The following FGD4 variants were observed in gnomAD, a reference collection of about 807,000 sequenced individuals.
FGD4 encodes the protein FYVE, RhoGEF and PH domain-containing protein 4.
A neutral mutation model predicts 102.0 loss-of-function variants in FGD4; 42 were observed. That is an observed-to-expected ratio of 0.41 (90% CI 0.32 to 0.53). FGD4 has a LOEUF of 0.53. Ranked by LOEUF, FGD4 falls within the 20% of genes least tolerant of loss-of-function variation. The probability of loss-of-function intolerance (pLI) is 0.21; values close to 1 mark genes in which losing one functional copy is unlikely to be tolerated. For missense variants in FGD4, 902 were observed against 1,078.2 expected, an observed-to-expected ratio of 0.84 and a Z score of 2.29; for synonymous variants, 380 against 375.7, an observed-to-expected ratio of 1.01 and a Z score of -0.13.
At chr12:32,585,897 G>A (rs930539689) in intron 4 of FGD4, among the ~76,000 whole-genome samples, 1 of 150,634 alleles carries the variant, frequency 6.6e-6, no homozygotes, top group African/African-American at 2.5e-5. Flanking sequence ...TGCCCCAGGA[G>A]TACTAGTTGA....
At chr12:32,573,253 A>G (rs1945831601) in intron 2 of FGD4, among the ~76,000 whole-genome samples, 1 of 151,906 alleles carries the variant, frequency 6.6e-6, no homozygotes, top group South Asian at 2.1e-4. Flanking sequence ...CCGCCACCAA[A>G]CCCGGCTAAT....
chr12:32,561,074 T>TG (rs1199049821), intron 1 of FGD4, among the ~76,000 whole-genome samples: 8 of 93,496 alleles, frequency 8.6e-5, no homozygotes, highest in Admixed American at 8.4e-4. Flanking sequence ...TGTTGGGTTT[T>TG]GTTTTTTTTT....
At chr12:32,412,899 ATT>A (rs869107334) in intron 1 of FGD4, among the ~76,000 whole-genome samples, 66 of 86,976 alleles carry the variant, frequency 7.6e-4, no homozygotes, top group Middle Eastern at 8.1e-3. Flanking sequence ...TTTTCTAGAA[ATT>A]TTTTTTTTTT....
Position 32,568,183 on chromosome 12 carries a change from G to A in FGD4, c.319+3894G>A, listed in dbSNP as rs191001830. Reference sequence around the variant, plus strand: ...TTTATTTTATTTTAAACCTGAAAAAGGAATGACCAGAATGGCAGCCCTTTG... The same window carrying A: ...TTTATTTTATTTTAAACCTGAAAAAAGAATGACCAGAATGGCAGCCCTTTG... On this transcript the variant is annotated intron_variant, in intron 2 of 16. Transcript: ENST00000534526. Among the ~76,000 whole-genome samples, 628 of 152,322 alleles carry A rather than the reference G, an allele frequency of 4.1e-3. 10 individuals carry two copies. Among genetic ancestry groups the A allele is most frequent in the East Asian group, 0.033 (169 of 5,190 alleles).
At chr12:32,591,836 G>A (rs1947501565) in intron 4 of FGD4, among the ~76,000 whole-genome samples, 1 of 152,186 alleles carries the variant, frequency 6.6e-6, no homozygotes. Context: ...AGAGAGAAAG[G>A]AGCAGATCTC....
chr12:32,519,537 T>A lies in FGD4; in HGVS notation c.167-44600T>A, dbSNP rs563972457. Among the ~76,000 whole-genome samples, 9 of 152,186 alleles carry A rather than the reference T, an allele frequency of 5.9e-5. No homozygotes were observed. The South Asian group carries it at 1.9e-3, about 32-fold the overall frequency. On this transcript the variant is annotated intron_variant, in intron 1 of 16. Coordinates refer to ENST00000534526, the MANE Select transcript of FGD4 (RefSeq NM_001370298.3). ...AGGTGCACTGGCTCACACATGTAAC[T>A]CCCAGCACTTTGGGAGGCTGAGTCA...
chr12:32,600,506 A>G (rs1217006430), intron 5 of FGD4: 1 of 1,251,698 alleles, frequency 8.0e-7, no homozygotes, highest in Non-Finnish European at 1.0e-6. Flanking sequence ...ATGGCAATTA[A>G]GAGGTATAGT....
At chr12:32,485,437 T>C (rs572699862) in intron 1 of FGD4, among the ~76,000 whole-genome samples, 4 of 17,368 alleles carry the variant, frequency 2.3e-4, no homozygotes, top group Admixed American at 9.4e-4. Context: ...TTAAGACCAA[T>C]TTTTTTTTTT....
At chr12:32,477,475 T>C (rs1245484589) in intron 1 of FGD4, 2 of 152,418 alleles carry the variant, frequency 1.3e-5, no homozygotes. Context: ...TAAGCACCAT[T>C]GGAAGAAATT....
chr12:32,470,463 C>CTTTTTTTTTTTT (rs551854980), intron 1 of FGD4, among the ~76,000 whole-genome samples: 24 of 130,838 alleles, frequency 1.8e-4, no homozygotes, highest in Non-Finnish European at 2.4e-4. Context: ...TTTTCTTTTT[C>CTTTTTTTTTTTT]TTTTTTTTTT....
intron 1 of FGD4, among the ~76,000 whole-genome samples, chr12:32,409,588 C>A (rs1333909840): frequency 6.6e-6 from 1 of 151,934 alleles, no homozygotes; most frequent in Non-Finnish European, 1.5e-5. Flanking sequence ...TGCCCAGCCT[C>A]CCCCCAGTAA....
intron 3 of FGD4, among the ~76,000 whole-genome samples, chr12:32,578,831 A>T (rs1229199799): frequency 7.6e-6 from 1 of 131,676 alleles, no homozygotes; most frequent in African/African-American, 3.1e-5. Context: ...ACCCTGCCTT[A>T]AAAAAAAAAA....
chr12:32,426,414 C>T lies in FGD4; in HGVS notation c.166+26455C>T, dbSNP rs1029939596. On this transcript the variant is annotated intron_variant, in intron 1 of 16. Transcript: ENST00000534526. ...CAGGCTTGCATCCCAGGGATGAAGCCGATTTGATTGTAGTGGATAAGCTTT... is the reference window on the plus strand; with the variant it reads ...CAGGCTTGCATCCCAGGGATGAAGCTGATTTGATTGTAGTGGATAAGCTTT... 3.9e-5 allele frequency among the ~76,000 whole-genome samples: 6 copies of T among 152,020 alleles called. No individual in the cohort carries two copies. The Middle Eastern group carries it at 0.01, about 259-fold the overall frequency.
intron 1 of FGD4, among the ~76,000 whole-genome samples, chr12:32,471,370 A>G (rs1164013752): frequency 6.6e-5 from 10 of 152,046 alleles, no homozygotes; most frequent in African/African-American, 9.7e-5. Flanking sequence ...TCTATATCCT[A>G]TTTGTTATGT....
intron 1 of FGD4, among the ~76,000 whole-genome samples, chr12:32,550,104 G>A (rs1021653433): frequency 6.6e-6 from 1 of 152,116 alleles, no homozygotes; most frequent in African/African-American, 2.4e-5. Context: ...TTTCCCATTA[G>A]CCATGAGTTA....
intron 1 of FGD4, among the ~76,000 whole-genome samples, chr12:32,414,506 A>C (rs985011520): frequency 6.6e-6 from 1 of 152,158 alleles, no homozygotes; most frequent in African/African-American, 2.4e-5. Context: ...CTGTTGTGCT[A>C]TCAAGTACTA....
At chr12:32,485,446 T>TTC (rs1400296745) in intron 1 of FGD4, among the ~76,000 whole-genome samples, 44 of 147,756 alleles carry the variant, frequency 3.0e-4, no homozygotes, top group African/African-American at 5.9e-4. Context: ...ATTTTTTTTT[T>TTC]TTTTTTTTTT....
Position 32,602,225 on chromosome 12 carries a change from G to A in FGD4, c.1312G>A (p.Glu438Lys). The A allele has an allele frequency of 6.2e-7, 1 of 1,614,110 alleles. No individual in the cohort carries two copies. Among genetic ancestry groups the A allele is most frequent in the Non-Finnish European group, 8.5e-7 (1 of 1,179,980 alleles). ...KLAPFLKMYG[E>K]YVKGFDNAME... is the part of the protein sequence containing the mutation. ...GGCACCATTCCTTAAGATGTATGGA[G>A]AATATGTGAAAGGATTTGATAATGC... Residue 438 changes from glutamate (E) to lysine (K), a missense_variant, in exon 7 of 17, where the codon GAA becomes AAA. Physicochemically the swap from Glu to Lys is moderately conservative, Grantham distance 56. Coordinates refer to ENST00000534526, the MANE Select transcript of FGD4 (RefSeq NM_001370298.3).
chr12:32,431,068 C>T (rs190861719), intron 1 of FGD4, among the ~76,000 whole-genome samples: 30 of 152,234 alleles, frequency 2.0e-4, no homozygotes, highest in African/African-American at 6.0e-4. Context: ...GGTATGTTTT[C>T]GTTAACCTGG....
Sources: gnomAD v4.1 joint callset for allele counts (sites outside exome capture counted in the v4.1 genomes callset) on GRCh38, gnomAD v4.1.1 for gene constraint, MANE v1.5 for transcripts, NCBI Gene and HGNC (gene_info 2026-07-23, HGNC 2026-07-21) for gene names.